Variants in MDGA2 observed in about 807,000 individuals in gnomAD.
MDGA2 encodes MAM domain containing glycosylphosphatidylinositol anchor 2.
A neutral mutation model predicts 117.8 loss-of-function variants in MDGA2; 40 were observed. The observed-to-expected ratio is 0.34, with a 90% CI of 0.26 to 0.44. MDGA2 has a LOEUF of 0.44. Ranked by LOEUF, MDGA2 falls within the 20% of genes least tolerant of loss-of-function variation. The pLI, the probability that MDGA2 is intolerant of heterozygous loss-of-function variation, is 1.00. For synonymous variants in MDGA2, 452 were observed against 439.0 expected (o/e 1.03, Z -0.37); for missense variants, 1,123 against 1,250.6 (o/e 0.90, Z 1.54).
intron 6 of MDGA2, among the ~76,000 whole-genome samples, chr14:47,086,596 T>C (rs1256520529): frequency 1.4e-4 from 18 of 126,806 alleles, no homozygotes; most frequent in Admixed American, 1.7e-4. Flanking sequence ...TTATTAAAGA[T>C]AGAAGTTAAA....
At chr14:47,588,942 C>T (rs186312436) in intron 1 of MDGA2, among the ~76,000 whole-genome samples, 3 of 152,020 alleles carry the variant, frequency 2.0e-5, no homozygotes, top group Non-Finnish European at 2.9e-5. Flanking sequence ...CATGTATTGG[C>T]TTTTGGCCCT....
At chr14:47,381,013 C>T (rs1158089699) in intron 1 of MDGA2, among the ~76,000 whole-genome samples, 5 of 152,222 alleles carry the variant, frequency 3.3e-5, no homozygotes, top group Non-Finnish European at 5.9e-5. Context: ...TTATCCACTA[C>T]GATCAAGTTG....
At chr14:46,848,268 T>C (rs751420530) in intron 15 of MDGA2, among the ~76,000 whole-genome samples, 4 of 152,058 alleles carry the variant, frequency 2.6e-5, no homozygotes, top group Non-Finnish European at 5.9e-5. Context: ...ATGGATTTCC[T>C]ATCTTAGCTA....
At chr14:47,154,128 TTTTG>T (rs1488524581) in intron 3 of MDGA2, among the ~76,000 whole-genome samples, 1 of 152,202 alleles carries the variant, frequency 6.6e-6, no homozygotes, top group Non-Finnish European at 1.5e-5. Context: ...TTTGTTCCTG[TTTTG>T]TTTTTCATTA....
At chr14:47,152,677 A>G (rs58671262) in intron 3 of MDGA2, among the ~76,000 whole-genome samples, 17 of 152,202 alleles carry the variant, frequency 1.1e-4, no homozygotes, top group Admixed American at 3.3e-4. Context: ...TGAGTCAAAA[A>G]AAGGCAAATA....
chr14:47,604,909 C>T (rs926694484), intron 1 of MDGA2, among the ~76,000 whole-genome samples: 3 of 152,118 alleles, frequency 2.0e-5, no homozygotes, highest in Admixed American at 1.3e-4. Flanking sequence ...GACCTACCTG[C>T]ACAGGACTGC....
At chr14:47,229,893 G>C (rs1038032733) in intron 2 of MDGA2, among the ~76,000 whole-genome samples, 4 of 151,912 alleles carry the variant, frequency 2.6e-5, no homozygotes, top group African/African-American at 9.7e-5. Context: ...TTTTCCCATA[G>C]CTTCAAAAGG....
chr14:47,200,208 T>C (rs1305799073), intron 3 of MDGA2, among the ~76,000 whole-genome samples: 2 of 151,976 alleles, frequency 1.3e-5, no homozygotes, highest in Non-Finnish European at 2.9e-5. Flanking sequence ...AAGAACCTAA[T>C]AGTGGAGAAG....
At position 47,035,449 on chromosome 14, in the gene MDGA2, T is replaced by C. The variant is rs1888811652; in HGVS notation, c.1526-145A>G. Reference sequence around the variant, plus strand: ...TCAAAAACCTTGGGAATAAATGGAATATACTCTCACTGAAAATCATTCTTA... The same window carrying C: ...TCAAAAACCTTGGGAATAAATGGAACATACTCTCACTGAAAATCATTCTTA... On this transcript the variant is annotated intron_variant, in intron 7 of 16. Transcript: ENST00000399232. The C allele has an allele frequency of 4.7e-6, 3 of 638,376 alleles. No homozygotes were observed. The South Asian group carries it at 6.2e-5, about 13-fold the overall frequency. The allele number at this position is 638,376 out of a possible 1,614,324, so 39.5% of individuals were successfully genotyped here. A position where few individuals can be genotyped will look rare whatever the true frequency, so the allele number is the denominator to read the frequency against.
At position 47,525,659 on chromosome 14, in the gene MDGA2, T is replaced by G. The variant is rs191221126; in HGVS notation, c.280+148858A>C. 1.7e-4 allele frequency among the ~76,000 whole-genome samples: 26 copies of G among 151,894 alleles called. No homozygotes were observed. The East Asian group carries it at 5.0e-3, about 29-fold the overall frequency. The stretch of plus-strand genomic sequence containing the variant: ...GAGACTGCACCACTGCATTTCACCC[T>G]GGACGACAGTGAGACACCGTCTCAA... On this transcript the variant is annotated intron_variant, in intron 1 of 16. Coordinates refer to ENST00000399232, the MANE Select transcript of MDGA2 (RefSeq NM_001113498.3).
At chr14:47,161,600 G>T (rs1883636363) in intron 3 of MDGA2, among the ~76,000 whole-genome samples, 1 of 151,572 alleles carries the variant, frequency 6.6e-6, no homozygotes, top group African/African-American at 2.4e-5. Flanking sequence ...TACCCAAGAA[G>T]AGGTAATTTT....
intron 14 of MDGA2, among the ~76,000 whole-genome samples, chr14:46,867,541 A>G (rs979472506): frequency 1.7e-4 from 26 of 152,228 alleles, no homozygotes; most frequent in African/African-American, 6.0e-4. Context: ...TTAAAGTATA[A>G]TAATAATAAA....
chr14:47,484,031 C>T (rs986462387), intron 1 of MDGA2, among the ~76,000 whole-genome samples: 2 of 152,010 alleles, frequency 1.3e-5, no homozygotes, highest in Non-Finnish European at 2.9e-5. Flanking sequence ...TAAGTTTTGT[C>T]TAATTAATTT....
intron 2 of MDGA2, among the ~76,000 whole-genome samples, chr14:47,239,846 A>G (rs1172733810): frequency 6.6e-6 from 1 of 151,860 alleles, no homozygotes; most frequent in Non-Finnish European, 1.5e-5. Flanking sequence ...AACGGGCTTT[A>G]TATCAAAATT....
intron 9 of MDGA2, among the ~76,000 whole-genome samples, chr14:46,945,658 A>G (rs989855802): frequency 6.6e-6 from 1 of 152,068 alleles, no homozygotes; most frequent in African/African-American, 2.4e-5. Context: ...TTAGCCAGAA[A>G]TCCATGCTCG....
intron 6 of MDGA2, among the ~76,000 whole-genome samples, chr14:47,086,145 T>C (rs1890892325): frequency 6.6e-6 from 1 of 150,598 alleles, no homozygotes; most frequent in South Asian, 2.1e-4. Flanking sequence ...CAGTCACTAA[T>C]TCTTGGTTCA....
intron 1 of MDGA2, among the ~76,000 whole-genome samples, chr14:47,372,331 G>A (rs1281477820): frequency 3.3e-5 from 5 of 151,750 alleles, no homozygotes; most frequent in Admixed American, 3.3e-4. Flanking sequence ...CAAATGATAA[G>A]CAAATGTTAA....
chr14:47,349,103 C>T (rs1254726755), intron 1 of MDGA2, among the ~76,000 whole-genome samples: 1 of 152,112 alleles, frequency 6.6e-6, no homozygotes, highest in Non-Finnish European at 1.5e-5. Flanking sequence ...GCAACTGTAA[C>T]AGAGAGACAA....
At chr14:47,297,186 G>A (rs902079487) in intron 2 of MDGA2, among the ~76,000 whole-genome samples, 2 of 152,012 alleles carry the variant, frequency 1.3e-5, no homozygotes, top group Admixed American at 1.3e-4. Flanking sequence ...AATGGAACAT[G>A]AACATAAATA....
Sources: gnomAD v4.1 joint callset for allele counts (sites outside exome capture counted in the v4.1 genomes callset) on GRCh38, gnomAD v4.1.1 for gene constraint, MANE v1.5 for transcripts, NCBI Gene and HGNC (gene_info 2026-07-23, HGNC 2026-07-21) for gene names.